Variants in FBXL2 observed in about 807,000 individuals in gnomAD.
The protein encoded by FBXL2 is F-box and leucine rich repeat protein 2, also known as F-box/LRR-repeat protein 2.
Under a neutral mutation model 69.2 loss-of-function variants are expected in FBXL2, and 38 were observed. The observed-to-expected ratio is 0.55, with a 90% confidence interval of 0.42 to 0.72. The LOEUF (loss-of-function observed/expected upper bound fraction) is 0.72, where lower values mean the gene tolerates loss of function less well. Ranked by LOEUF, FBXL2 falls within the 30% of genes least tolerant of loss-of-function variation. The pLI is 0.00. For missense variants in FBXL2, 354 were observed against 520.3 expected (o/e 0.68, Z 3.11); for synonymous variants, 192 against 201.3 (o/e 0.95, Z 0.39).
intron 5 of FBXL2, among the ~76,000 whole-genome samples, chr3:33,368,754 T>G (rs2042109122): frequency 6.6e-6 from 1 of 151,648 alleles, no homozygotes; most frequent in South Asian, 2.1e-4. Context: ...GCCCAGCTAA[T>G]TTTTTATATT....
At chr3:33,377,455 A>G (rs1014720424) in intron 11 of FBXL2, 122 bp downstream of exon 11, 10 of 919,724 alleles carry the variant, frequency 1.1e-5, no homozygotes, top group South Asian at 4.1e-5. Context: ...AAAGTAGAGT[A>G]GAACCCTTGG....
At chr3:33,286,448 A>G (rs1197272032) in intron 1 of FBXL2, among the ~76,000 whole-genome samples, 1 of 152,178 alleles carries the variant, frequency 6.6e-6, no homozygotes, top group African/African-American at 2.4e-5. Flanking sequence ...GTCGGCCTCT[A>G]CTGGGAGATG....
chr3:33,401,007 A>G, intron 12 of FBXL2: 3 of 1,593,278 alleles, frequency 1.9e-6, no homozygotes, highest in Non-Finnish European at 2.6e-6. Flanking sequence ...GATTTGGGGA[A>G]GAAGAATTGC....
intron 2 of FBXL2, among the ~76,000 whole-genome samples, chr3:33,335,057 C>T (rs140405045): frequency 1.2e-3 from 176 of 151,918 alleles, no homozygotes; most frequent in Admixed American, 1.2e-3. Context: ...GCTGAGATCA[C>T]GCCACTGCAC....
chr3:33,321,979 C>G (rs2038263591), intron 2 of FBXL2, among the ~76,000 whole-genome samples: 2 of 149,148 alleles, frequency 1.3e-5, no homozygotes, highest in Non-Finnish European at 3.0e-5. Context: ...CCTGTAAAAT[C>G]AAACATTGGC....
chr3:33,296,455 C>T (rs1294823110), intron 1 of FBXL2, among the ~76,000 whole-genome samples: 1 of 151,964 alleles, frequency 6.6e-6, no homozygotes, highest in Admixed American at 6.6e-5. Context: ...TTGCATAATC[C>T]AAGGCCACCA....
At chr3:33,385,346 G>A (rs1306059596) in intron 14 of FBXL2, among the ~76,000 whole-genome samples, 155 bp from the exon 15 acceptor site, 1 of 152,104 alleles carries the variant, frequency 6.6e-6, no homozygotes, top group African/African-American at 2.4e-5. Context: ...CAGACGGTGC[G>A]GGGAGTAACA....
chr3:33,293,861 A>G (rs1399938562), intron 1 of FBXL2, among the ~76,000 whole-genome samples: 1 of 152,194 alleles, frequency 6.6e-6, no homozygotes, highest in African/African-American at 2.4e-5. Flanking sequence ...ACAACACTAT[A>G]AGTCAATGAA....
intron 2 of FBXL2, among the ~76,000 whole-genome samples, chr3:33,345,501 T>G (rs925618915): frequency 1.5e-4 from 23 of 152,290 alleles, no homozygotes; most frequent in Admixed American, 9.8e-4. Flanking sequence ...GACTTTCTTG[T>G]GAACATAATG....
chr3:33,319,389 T>A (rs1455164023), intron 2 of FBXL2, among the ~76,000 whole-genome samples: 1 of 152,212 alleles, frequency 6.6e-6, no homozygotes, highest in Non-Finnish European at 1.5e-5. Context: ...GGATGTATGA[T>A]GTAATATACA....
chr3:33,339,309 C>T (rs968622367), intron 2 of FBXL2, among the ~76,000 whole-genome samples: 40 of 152,114 alleles, frequency 2.6e-4, no homozygotes, highest in Non-Finnish European at 7.4e-5. Flanking sequence ...AGAGGGGAAT[C>T]CTTATACACT....
At chr3:33,318,312 A>G (rs1023085152) in intron 2 of FBXL2, among the ~76,000 whole-genome samples, 2 of 152,146 alleles carry the variant, frequency 1.3e-5, no homozygotes, top group Admixed American at 1.3e-4. Context: ...GGCATTTAGA[A>G]ATAGTTGACT....
the FBXL2 span, among the ~76,000 whole-genome samples, chr3:33,411,208 AG>A: frequency 2.0e-5 from 3 of 152,338 alleles, no homozygotes; most frequent in African/African-American, 7.2e-5. Flanking sequence ...TGAATTTTTC[AG>A]TATTAGAATG....
intron 2 of FBXL2, among the ~76,000 whole-genome samples, chr3:33,304,087 T>C (rs1045940339): frequency 1.3e-5 from 2 of 152,034 alleles, no homozygotes; most frequent in African/African-American, 4.8e-5. Flanking sequence ...TACTAACATA[T>C]ATTTGCAAAA....
At chr3:33,401,680 A>AT (rs2154056086) in intron 12 of FBXL2, among the ~76,000 whole-genome samples, 1 of 152,304 alleles carries the variant, frequency 6.6e-6, no homozygotes, top group South Asian at 2.1e-4. Context: ...CTTTCTACCC[A>AT]TAAGAACTTA....
At chr3:33,285,500 A>T (rs1211821991) in intron 1 of FBXL2, among the ~76,000 whole-genome samples, 1 of 152,132 alleles carries the variant, frequency 6.6e-6, no homozygotes, top group Non-Finnish European at 1.5e-5. Context: ...AACTTTGGTG[A>T]ATCTGACAAT....
rs1456700433 is a variant in FBXL2 at position 33,384,133 on chromosome 3, C to T, written c.1096C>T (p.Arg366Ter). The change falls in exon 14 of 15, where the codon CGA becomes TGA. Residue 366 changes from arginine to a stop codon, truncating the protein, a stop_gained. Transcript: ENST00000484457. LOFTEE classifies it high-confidence loss of function. ...GGCCCTGGAACACCTAGAGAACTGC[C>T]GAGGCCTGGAGCGCCTCGAGCTGTA... ...DVALEHLENC[R>*]GLERLELYDC... The T allele has an allele frequency of 2.5e-6, 4 of 1,614,076 alleles. No individual in the cohort carries two copies. The highest frequency in any genetic ancestry group is 1.7e-5 in the Admixed American group (1 of 60,004).
chr3:33,377,629 C>T (rs1233508836), intron 11 of FBXL2, among the ~76,000 whole-genome samples: 2 of 152,206 alleles, frequency 1.3e-5, no homozygotes, highest in Admixed American at 6.5e-5. Flanking sequence ...GCAGCTCCCC[C>T]TAACTGGGCT....
intron 2 of FBXL2, among the ~76,000 whole-genome samples, chr3:33,326,466 A>G (rs1406332498): frequency 6.6e-6 from 1 of 151,182 alleles, no homozygotes; most frequent in Non-Finnish European, 1.5e-5. Flanking sequence ...TCGCTCTACC[A>G]CTGCACTCCA....
Sources: allele counts gnomAD v4.1 joint callset (sites outside exome capture counted in the v4.1 genomes callset), GRCh38; gene constraint gnomAD v4.1.1; transcripts MANE v1.5; gene names NCBI Gene and HGNC (gene_info 2026-07-23, HGNC 2026-07-21).